The following CPXM2 variants were observed in gnomAD, a reference collection of about 807,000 sequenced individuals.
CPXM2 encodes the protein carboxypeptidase X, M14 family member 2.
Under a neutral mutation model 86.1 loss-of-function variants are expected in CPXM2, and 66 were observed. The observed-to-expected ratio is 0.77, with a 90% confidence interval of 0.63 to 0.94. The LOEUF (loss-of-function observed/expected upper bound fraction) is 0.94, where lower values mean the gene tolerates loss of function less well. Ranked by LOEUF, CPXM2 falls within the 40% of genes least tolerant of loss-of-function variation. The pLI, the probability that CPXM2 is intolerant of heterozygous loss-of-function variation, is 0.00. For synonymous variants in CPXM2, 388 were observed against 400.2 expected, an observed-to-expected ratio of 0.97 and a Z score of 0.36; for missense variants, 948 against 1,026.3, an observed-to-expected ratio of 0.92 and a Z score of 1.04.
At chr10:123,771,131 C>T in intron 7 of CPXM2, 92 bp from the exon 8 acceptor site, 2 of 1,194,560 alleles carry the variant, frequency 1.7e-6, no homozygotes, top group South Asian at 1.4e-5. Flanking sequence ...TCTTGCTTTC[C>T]TCCACAGCCT....
At chr10:123,860,484 T>TC (rs1310884953) in intron 3 of CPXM2, among the ~76,000 whole-genome samples, 1 of 152,146 alleles carries the variant, frequency 6.6e-6, no homozygotes, top group Non-Finnish European at 1.5e-5. Flanking sequence ...AACACCACGC[T>TC]CCCCCGACCT....
intron 2 of CPXM2, among the ~76,000 whole-genome samples, chr10:123,900,188 C>G (rs1945369782): frequency 6.6e-6 from 1 of 152,166 alleles, no homozygotes; most frequent in Non-Finnish European, 1.5e-5. Flanking sequence ...ATTACAGGAA[C>G]CTGCCACCAT....
chr10:123,816,351 T>C (rs529232530), intron 4 of CPXM2, among the ~76,000 whole-genome samples: 3 of 152,292 alleles, frequency 2.0e-5, no homozygotes, highest in South Asian at 2.1e-4. Flanking sequence ...AGGGCTATTA[T>C]GGTGAGAAAG....
chr10:123,894,297 A>C (rs1945316054), upstream of CPXM2, among the ~76,000 whole-genome samples: 1 of 152,220 alleles, frequency 6.6e-6, no homozygotes, highest in African/African-American at 2.4e-5. Flanking sequence ...TGTCCAGAGA[A>C]GGCCCTACCC....
intron 13 of CPXM2, chr10:123,749,999 T>TA (rs1846041097): frequency 5.7e-6 from 2 of 350,670 alleles, no homozygotes; most frequent in South Asian, 1.2e-4. Flanking sequence ...TTTTTTTTTT[T>TA]AGTAGAGATG....
chr10:123,835,316 C>G (rs955409547), intron 4 of CPXM2, among the ~76,000 whole-genome samples: 1 of 152,156 alleles, frequency 6.6e-6, no homozygotes, highest in Non-Finnish European at 1.5e-5. Context: ...AGAAAAAACT[C>G]TAAAATTGTT....
At chr10:123,755,648 TCCTATAGATGACAA>T (rs1435819872) in intron 12 of CPXM2, among the ~76,000 whole-genome samples, 1 of 152,222 alleles carries the variant, frequency 6.6e-6, no homozygotes, top group African/African-American at 2.4e-5. Flanking sequence ...AAAGAAACCT[TCCTATAGATGACAA>T]CTCCATGCAT....
chr10:123,752,958 C>T (rs977374907), intron 13 of CPXM2, among the ~76,000 whole-genome samples: 3 of 152,208 alleles, frequency 2.0e-5, no homozygotes, highest in Middle Eastern at 3.4e-3. Flanking sequence ...GAGCCTCTTA[C>T]GTGGTGTGTT....
chr10:123,779,520 G>A (rs1029214755), intron 7 of CPXM2, among the ~76,000 whole-genome samples: 5 of 152,198 alleles, frequency 3.3e-5, no homozygotes, highest in African/African-American at 1.2e-4. Context: ...ATAACAAAAA[G>A]AGGATTTAAA....
chr10:123,863,288 T>C (rs568071117), intron 2 of CPXM2, among the ~76,000 whole-genome samples: 28 of 152,310 alleles, frequency 1.8e-4, no homozygotes, highest in African/African-American at 6.5e-4. Context: ...TCTCCTGACC[T>C]CTGGGCTGCT....
intron 2 of CPXM2, among the ~76,000 whole-genome samples, chr10:123,912,381 G>A (rs74162973): frequency 1.3e-5 from 2 of 151,500 alleles, no homozygotes; most frequent in Non-Finnish European, 2.9e-5. Flanking sequence ...CTGAACAGGT[G>A]AGAAAAGTGA....
At chr10:123,904,912 A>ATCTGCATCCTGTGACCTCCC (rs1184917723) in intron 2 of CPXM2, among the ~76,000 whole-genome samples, 1 of 131,660 alleles carries the variant, frequency 7.6e-6, no homozygotes, top group Non-Finnish European at 1.6e-5. Context: ...GCTCTGCATC[A>ATCTGCATCCTGTGACCTCCC]CACCTGCATC....
At chr10:123,781,184 C>A (rs1481299989) in intron 6 of CPXM2, among the ~76,000 whole-genome samples, 2 of 152,332 alleles carry the variant, frequency 1.3e-5, no homozygotes, top group East Asian at 3.9e-4. Context: ...GCTGAAGCAC[C>A]CTGGCGGGTA....
intron 4 of CPXM2, among the ~76,000 whole-genome samples, chr10:123,835,384 A>T (rs1050866107): frequency 3.3e-5 from 5 of 152,192 alleles, no homozygotes; most frequent in Non-Finnish European, 5.9e-5. Context: ...ACACCCAGAA[A>T]GCCAAGAACG....
intron 3 of CPXM2, among the ~76,000 whole-genome samples, chr10:123,847,984 T>C (rs1385366545): frequency 6.6e-6 from 1 of 152,198 alleles, no homozygotes; most frequent in Non-Finnish European, 1.5e-5. Context: ...ATTTAGTGAC[T>C]CCAGGATAAT....
chr10:123,897,063 C>T (rs1378590139), intron 2 of CPXM2, among the ~76,000 whole-genome samples: 1 of 147,920 alleles, frequency 6.8e-6, no homozygotes, highest in African/African-American at 2.5e-5. Flanking sequence ...CCCACCCTTC[C>T]ATGCCCCCCA....
At chr10:123,845,860 G>T (rs889067434) in intron 3 of CPXM2, among the ~76,000 whole-genome samples, 1 of 152,086 alleles carries the variant, frequency 6.6e-6, no homozygotes, top group African/African-American at 2.4e-5. Flanking sequence ...GAAAGAAAGA[G>T]GAATAAGAAT....
In CPXM2 at chr10:123,757,355, G is replaced by A. The variant is rs767313833; in HGVS notation, c.1778-3C>T. The A allele has an allele frequency of 3.7e-6, 6 of 1,611,828 alleles. No homozygotes were observed. In the South Asian group the frequency reaches 5.5e-5, roughly 15 times the overall value. ...AAGGTAGCTGAAATCGTTCAGACCT[G>A]CCAAGCCAACCGGACAACACTTTAA... is the stretch of plus-strand genomic sequence containing the variant. On this transcript the variant is annotated splice_polypyrimidine_tract_variant and splice_region_variant and intron_variant, in intron 11 of 13. Transcript: ENST00000241305.
At chr10:123,914,376 T>G (rs1317820911) in intron 2 of CPXM2, among the ~76,000 whole-genome samples, 1 of 152,148 alleles carries the variant, frequency 6.6e-6, no homozygotes, top group East Asian at 1.9e-4. Flanking sequence ...TGGGCCCCTT[T>G]TCACTTCCAG....
Sources: gnomAD v4.1 joint callset for allele counts (sites outside exome capture counted in the v4.1 genomes callset) on GRCh38, gnomAD v4.1.1 for gene constraint, MANE v1.5 for transcripts, NCBI Gene and HGNC (gene_info 2026-07-23, HGNC 2026-07-21) for gene names.